F8: variants seen among roughly 807,000 people sequenced by gnomAD.
The protein encoded by F8 is coagulation factor VIII.
Under a neutral mutation model 140.6 loss-of-function variants are expected in F8, and 12 were observed. The ratio of observed to expected loss-of-function variants is 0.09; its 90% confidence interval spans 0.05 to 0.14. The LOEUF (loss-of-function observed/expected upper bound fraction) is 0.14, where lower values mean the gene tolerates loss of function less well. Ranked by LOEUF, F8 falls within the 10% of genes least tolerant of loss-of-function variation. F8 has a pLI of 1.00. For missense variants in F8, 1,354 were observed against 1,720.7 expected (o/e 0.79, Z 3.77); for synonymous variants, 585 against 614.6 (o/e 0.95, Z 0.71).
chrX:154,868,395 A>G (rs181608744), intron 22 of F8, among the ~76,000 whole-genome samples: 3 of 112,231 alleles, frequency 2.7e-5, no homozygotes, highest in African/African-American at 9.7e-5. Context: ...AGGAAAGAAC[A>G]TGGGACTTAT....
At chrX:154,864,511 G>T (rs1410654672) in intron 22 of F8, among the ~76,000 whole-genome samples, 1 of 112,147 alleles carries the variant, frequency 8.9e-6, no homozygotes, top group Non-Finnish European at 1.9e-5. Flanking sequence ...TTTTGACAAA[G>T]AATTCAAAAT....
chrX:154,982,243 C>A (rs1350476348), intron 6 of F8, among the ~76,000 whole-genome samples: 7 of 105,443 alleles, frequency 6.6e-5, no homozygotes, highest in African/African-American at 2.1e-4. Flanking sequence ...GTCAGGAGAT[C>A]GAGACCATCC....
Position 154,996,977 on chromosome X carries a change from A to T in F8, c.384T>A (p.Ser128=). 8.3e-7 allele frequency: 1 copy of T among 1,211,554 alleles called. No homozygotes were observed. Among genetic ancestry groups the T allele is most frequent in the Middle Eastern group, 2.3e-4 (1 of 4,346 alleles). ...HAVGVSYWKA[S]EGAEYDDQTS... ...ATAGGAGGGTATTTTACTCACCCTCAGAAGCTTTCCAGTAGGATACACCAA... is the reference window on the plus strand; with the variant it reads ...ATAGGAGGGTATTTTACTCACCCTCTGAAGCTTTCCAGTAGGATACACCAA... Residue 128 remains serine, a synonymous_variant, in exon 3 of 26, where the codon TCT becomes TCA. Transcript: ENST00000360256.
chrX:154,942,344 A>G (rs1230338356), intron 13 of F8, among the ~76,000 whole-genome samples: 4 of 110,318 alleles, frequency 3.6e-5, no homozygotes, highest in Admixed American at 1.9e-4. Context: ...TATCACCACC[A>G]ATCCCACAGA....
Position 154,999,482 on chromosome X carries a change from T to G in F8, c.262A>C (p.Met88Leu), listed in dbSNP as rs782731044. The G allele has an allele frequency of 1.7e-6, 2 of 1,206,800 alleles. No homozygotes were observed. The highest frequency in any genetic ancestry group is 3.5e-5 in the South Asian group (2 of 56,867). ...FNIAKPRPPW[M>L]GLLGPTIQAE... ...CATTCAACATTGTTTTCATTACCCA[T>G]CCAGGGTGGCCTTGGCTTAGCGATG... Residue 88 changes from methionine (M) to leucine (L), a missense_variant, in exon 2 of 26, where the codon ATG (methionine) becomes CTG (leucine). By Grantham distance (15) the Met-to-Leu change is conservative. Transcript: ENST00000360256.
At chrX:154,872,846 G>A (rs938227431) in intron 22 of F8, among the ~76,000 whole-genome samples, 8 of 111,196 alleles carry the variant, frequency 7.2e-5, no homozygotes, top group Non-Finnish European at 1.3e-4. Flanking sequence ...TAAAGTTGCA[G>A]GATACAAAAT....
Position 154,930,943 on chromosome X carries a change from A to G in F8, c.2847T>C (p.Thr949=), listed in dbSNP as rs1557278747. The change falls in exon 14 of 26, where the codon ACT becomes ACC. Residue 949 remains threonine (T), a synonymous_variant. Transcript: ENST00000360256. ...TLFGKKSSPL[T]ESGGPLSLSE... ...TCAAGCTCAGAGGTCCACCAGACTC[A>G]GTAAGGGGAGATGACTTTTTGCCAA... The G allele has an allele frequency of 8.4e-7, 1 of 1,195,308 alleles. No homozygotes were observed. The highest frequency in any genetic ancestry group is 1.8e-5 in the African/African-American group (1 of 57,133).
intron 22 of F8, chrX:154,886,220 C>G: frequency 1.3e-6 from 1 of 748,448 alleles, no homozygotes; most frequent in Non-Finnish European, 1.7e-6. Context: ...TCCGATCCCG[C>G]TCTTTGCACC....
At chrX:154,874,538 C>T (rs894861942) in intron 22 of F8, among the ~76,000 whole-genome samples, 3 of 112,059 alleles carry the variant, frequency 2.7e-5, no homozygotes, top group African/African-American at 6.5e-5. Flanking sequence ...CTTTTGTAAT[C>T]GGCATTAATC....
intron 21 of F8, among the ~76,000 whole-genome samples, chrX:154,896,782 T>C (rs1569559477): frequency 8.9e-6 from 1 of 112,230 alleles, no homozygotes; most frequent in African/African-American, 3.2e-5. Flanking sequence ...CTGCTTCTTC[T>C]ATGCTTCTAC....
At chrX:154,906,376 T>C (rs1557276340) in intron 15 of F8, 44 bp downstream of exon 15, 1 of 1,140,971 alleles carries the variant, frequency 8.8e-7, no homozygotes. Flanking sequence ...AGAAAATAAA[T>C]ATATAAAATT....
intron 22 of F8, among the ~76,000 whole-genome samples, 199 bp downstream of exon 22, chrX:154,895,878 T>C (rs2072976176): frequency 8.9e-6 from 1 of 112,199 alleles, no homozygotes; most frequent in African/African-American, 3.2e-5. Context: ...CAATACAGCA[T>C]CTCTTCATTT....
At chrX:154,927,168 C>T (rs1266144266) in intron 14 of F8, among the ~76,000 whole-genome samples, 7 of 111,358 alleles carry the variant, frequency 6.3e-5, no homozygotes, top group African/African-American at 2.3e-4. Context: ...AAATGTAGTT[C>T]TTATGAAATA....
intron 25 of F8, among the ~76,000 whole-genome samples, chrX:154,848,774 G>A (rs1253366301): frequency 9.0e-6 from 1 of 110,781 alleles, no homozygotes; most frequent in Non-Finnish European, 1.9e-5. Flanking sequence ...GCTCATGCTC[G>A]GTGGGCTGCA....
intron 13 of F8, among the ~76,000 whole-genome samples, chrX:154,935,032 G>A (rs2073216104): frequency 9.1e-6 from 1 of 109,936 alleles, no homozygotes; most frequent in Non-Finnish European, 1.9e-5. Context: ...GCATGATGGT[G>A]CATGCCTGTA....
chrX:155,022,026 A>C (rs1241899469), intron 1 of F8, among the ~76,000 whole-genome samples: 1 of 111,748 alleles, frequency 8.9e-6, no homozygotes, highest in African/African-American at 3.3e-5. Flanking sequence ...AGAGAACCAG[A>C]CATGAAACTT....
chrX:155,000,973 T>C (rs2073643293), intron 1 of F8, among the ~76,000 whole-genome samples: 1 of 111,688 alleles, frequency 9.0e-6, no homozygotes, highest in Admixed American at 9.5e-5. Flanking sequence ...TGATTGTAAG[T>C]ATTCATATGC....
intron 5 of F8, among the ~76,000 whole-genome samples, chrX:154,985,302 G>A (rs2073552966): frequency 1.8e-5 from 2 of 110,661 alleles, no homozygotes; most frequent in Admixed American, 1.9e-4. Context: ...CGGGCATGGT[G>A]GCATGTGCCT....
chrX:154,847,106 T>C (rs2072573321), intron 25 of F8, among the ~76,000 whole-genome samples: 1 of 112,054 alleles, frequency 8.9e-6, no homozygotes, highest in African/African-American at 3.2e-5. Flanking sequence ...ATGTTGAATA[T>C]TGGCCCCCAC....
Sources: allele counts gnomAD v4.1 joint callset (sites outside exome capture counted in the v4.1 genomes callset), GRCh38; gene constraint gnomAD v4.1.1; transcripts MANE v1.5; gene names NCBI Gene and HGNC (gene_info 2026-07-23, HGNC 2026-07-21).